The following CSMD2 variants were observed in gnomAD, a reference collection of about 807,000 sequenced individuals.
The protein encoded by CSMD2 is CUB and sushi domain-containing protein 2.
A neutral mutation model predicts 398.5 loss-of-function variants in CSMD2; 130 were observed. The ratio of observed to expected loss-of-function variants is 0.33; its 90% CI spans 0.28 to 0.38. The LOEUF (loss-of-function observed/expected upper bound fraction) is 0.38. Among genes scored for constraint, CSMD2 ranks in the 10% least tolerant of loss-of-function variants. The probability of loss-of-function intolerance (pLI) is 1.00; values close to 1 mark genes in which losing one functional copy is unlikely to be tolerated. For synonymous variants in CSMD2, 1,828 were observed against 1,908.5 expected (o/e 0.96, Z 1.10); for missense variants, 3,829 against 4,764.9 (o/e 0.80, Z 5.78).
chr1:33,798,032 T>C (rs1655149583), intron 10 of CSMD2, among the ~76,000 whole-genome samples: 1 of 152,182 alleles, frequency 6.6e-6, no homozygotes, highest in East Asian at 1.9e-4. Flanking sequence ...ACATACACAA[T>C]GCTGCAGTTT....
At chr1:34,122,742 C>T (rs976674307) in intron 1 of CSMD2, among the ~76,000 whole-genome samples, 1 of 152,182 alleles carries the variant, frequency 6.6e-6, no homozygotes, top group Non-Finnish European at 1.5e-5. Context: ...AATTCCTACA[C>T]CCATGCAAAT....
chr1:34,114,533 T>C (rs969654509), intron 1 of CSMD2, among the ~76,000 whole-genome samples: 1 of 151,988 alleles, frequency 6.6e-6, no homozygotes, highest in Non-Finnish European at 1.5e-5. Context: ...CCCCCATCTC[T>C]AAAAACAATT....
chr1:33,755,559 C>A (rs1648865668), intron 13 of CSMD2, among the ~76,000 whole-genome samples: 1 of 152,200 alleles, frequency 6.6e-6, no homozygotes, highest in South Asian at 2.1e-4. Context: ...ATACTGGCTG[C>A]ACATTTCCTG....
chr1:33,794,861 G>GTA (rs1654758515), intron 10 of CSMD2, among the ~76,000 whole-genome samples: 1 of 151,910 alleles, frequency 6.6e-6, no homozygotes, highest in Non-Finnish European at 1.5e-5. Context: ...TCTAGGTGAG[G>GTA]TAGGATGTGG....
Position 33,652,325 on chromosome 1 carries a change from G to A in CSMD2, c.4584C>T (p.Asn1528=). The A allele has an allele frequency of 6.2e-7, 1 of 1,614,104 alleles. No individual in the cohort carries two copies. The highest frequency in any genetic ancestry group is 8.5e-7 in the Non-Finnish European group (1 of 1,179,974). The change falls in exon 28 of 71, where the codon AAC becomes AAT. Residue 1528 remains asparagine, a splice_region_variant and synonymous_variant. Transcript: ENST00000373381. ...SPDYVIALVF[N]IFNLEPGYDF... ...CCACCCGGGGGAAAGGTACATACAT[G>A]TTAAATACCAGGGCGATGACGTAGT...
intron 12 of CSMD2, among the ~76,000 whole-genome samples, chr1:33,778,457 T>C (rs988017850): frequency 6.6e-6 from 1 of 152,146 alleles, no homozygotes; most frequent in African/African-American, 2.4e-5. Context: ...TCTGGAGCTC[T>C]GGTTGGGCAT....
intron 5 of CSMD2, among the ~76,000 whole-genome samples, chr1:33,880,594 C>T (rs1293464475): frequency 6.6e-6 from 1 of 152,164 alleles, no homozygotes; most frequent in African/African-American, 2.4e-5. Flanking sequence ...GGTTTTGGCT[C>T]TCTCTTTCTT....
intron 62 of CSMD2, among the ~76,000 whole-genome samples, chr1:33,535,897 T>C (rs891942738): frequency 2.6e-5 from 4 of 152,188 alleles, no homozygotes; most frequent in African/African-American, 7.2e-5. Context: ...CCTAAAATGG[T>C]AACCCACCCC....
chr1:34,036,557 T>A (rs1207207393), intron 2 of CSMD2, among the ~76,000 whole-genome samples: 1 of 152,182 alleles, frequency 6.6e-6, no homozygotes, highest in Non-Finnish European at 1.5e-5. Flanking sequence ...AGAGGTAGTA[T>A]GAGGAGATCT....
At chr1:33,589,611 A>ACC (rs1240318967) in intron 44 of CSMD2, among the ~76,000 whole-genome samples, 1 of 152,210 alleles carries the variant, frequency 6.6e-6, no homozygotes, top group Non-Finnish European at 1.5e-5. Context: ...TTAGAAGTTT[A>ACC]AATACTTAAA....
intron 1 of CSMD2, among the ~76,000 whole-genome samples, chr1:34,158,370 C>T (rs1641000380): frequency 6.6e-6 from 1 of 152,194 alleles, no homozygotes; most frequent in Non-Finnish European, 1.5e-5. Context: ...GACACTGCAG[C>T]AGATGGAGAG....
intron 42 of CSMD2, 95 bp from the exon 43 acceptor site, chr1:33,602,641 A>G: frequency 9.0e-7 from 1 of 1,117,042 alleles, no homozygotes. Flanking sequence ...CCCAGAACTA[A>G]TCATCCTGTC....
intron 3 of CSMD2, among the ~76,000 whole-genome samples, chr1:33,982,884 C>A (rs147145387): frequency 1.2e-4 from 18 of 152,270 alleles, no homozygotes; most frequent in African/African-American, 3.6e-4. Flanking sequence ...TTGGACCAGA[C>A]CCTAGGAGTC....
chr1:33,752,410 G>A (rs576618288), intron 13 of CSMD2, among the ~76,000 whole-genome samples: 1 of 152,130 alleles, frequency 6.6e-6, no homozygotes, highest in Non-Finnish European at 1.5e-5. Context: ...CATATGATAC[G>A]CTGGCTCCGT....
At chr1:34,040,203 A>C (rs1016863234) in intron 2 of CSMD2, among the ~76,000 whole-genome samples, 7 of 96,876 alleles carry the variant, frequency 7.2e-5, no homozygotes, top group African/African-American at 2.4e-4. Context: ...AAAAAAAATT[A>C]AATTAAAAAA....
chr1:33,523,156 G>C lies in CSMD2; in HGVS notation c.10509+151C>G, dbSNP rs867164237. On this transcript the variant is annotated intron_variant, in intron 67 of 70. Coordinates refer to ENST00000373381, the MANE Select transcript of CSMD2 (RefSeq NM_001281956.2). Reference sequence around the variant, plus strand: ...TCCTTTGCCTATTTCATTAGCAGATGAGGATCCTCTTGCTGCTCCTAGGCA... The same window carrying C: ...TCCTTTGCCTATTTCATTAGCAGATCAGGATCCTCTTGCTGCTCCTAGGCA... 5.7e-6 allele frequency: 3 copies of C among 527,718 alleles called. No homozygotes were observed. The African/African-American group carries it at 5.8e-5, about 10-fold the overall frequency. 32.7% of individuals were successfully genotyped at this position (527,718 alleles called of 1,614,324 possible).
chr1:33,707,461 G>A (rs1317891888), intron 22 of CSMD2, among the ~76,000 whole-genome samples: 3 of 152,156 alleles, frequency 2.0e-5, no homozygotes, highest in Admixed American at 6.5e-5. Flanking sequence ...TAAAGACATG[G>A]TTATTGGAAG....
intron 2 of CSMD2, among the ~76,000 whole-genome samples, chr1:34,076,588 A>G (rs1004054677): frequency 1.4e-5 from 2 of 140,140 alleles, no homozygotes; most frequent in African/African-American, 5.3e-5. Context: ...GTTGAGAACC[A>G]CTGCTCTACC....
At chr1:33,712,222 G>A (rs1646015445) in intron 21 of CSMD2, among the ~76,000 whole-genome samples, 2 of 152,150 alleles carry the variant, frequency 1.3e-5, no homozygotes, top group Non-Finnish European at 1.5e-5. Flanking sequence ...CCCAAGGACA[G>A]GGCCATGTCT....
Sources: allele counts gnomAD v4.1 joint callset (sites outside exome capture counted in the v4.1 genomes callset), GRCh38; gene constraint gnomAD v4.1.1; transcripts MANE v1.5; gene names NCBI Gene and HGNC (gene_info 2026-07-23, HGNC 2026-07-21).